PLD5: variants seen among roughly 807,000 people sequenced by gnomAD.
The protein encoded by PLD5 is phospholipase D family member 5, also known as inactive phospholipase D5.
Under a neutral mutation model 61.1 loss-of-function variants are expected in PLD5, and 36 were observed. That is an observed-to-expected ratio of 0.59 (90% confidence interval 0.45 to 0.78). The LOEUF is 0.78. Among genes scored for constraint, PLD5 ranks in the 30% least tolerant of loss-of-function variants. The pLI is 0.00. For synonymous variants in PLD5, 243 were observed against 242.8 expected, an observed-to-expected ratio of 1.00 and a Z score of -0.01; for missense variants, 515 against 644.4, an observed-to-expected ratio of 0.80 and a Z score of 2.17.
intron 2 of PLD5, among the ~76,000 whole-genome samples, chr1:242,297,687 C>A (rs1675782103): frequency 1.4e-5 from 2 of 144,204 alleles, no homozygotes; most frequent in South Asian, 2.2e-4. Flanking sequence ...GGCCGGACTG[C>A]GGACTGCAGT....
intron 1 of PLD5, among the ~76,000 whole-genome samples, chr1:242,373,312 G>C (rs1661752331): frequency 6.6e-6 from 1 of 152,204 alleles, no homozygotes; most frequent in Admixed American, 6.5e-5. Context: ...AGGTGCTGGA[G>C]AGGATGTGGA....
At chr1:242,306,073 T>G (rs951650031) in intron 2 of PLD5, among the ~76,000 whole-genome samples, 1 of 151,852 alleles carries the variant, frequency 6.6e-6, no homozygotes, top group African/African-American at 2.4e-5. Context: ...GCCCTGGGGC[T>G]CCAGCTTTGC....
At chr1:242,263,377 C>A (rs972389652) in intron 4 of PLD5, among the ~76,000 whole-genome samples, 6 of 151,712 alleles carry the variant, frequency 4.0e-5, no homozygotes, top group African/African-American at 1.5e-4. Context: ...AAAAGATAAC[C>A]CTTAAGCAAG....
Position 242,089,780 on chromosome 1 carries a change from GTGTTTTTTC to G in PLD5, c.*65_*73del. ...TCCCTAAAAAAAGAGACATATTAAA[GTGTTTTTTC>G]TCTCCTCAAGTCCTTTATGTATAAA... On this transcript the variant is annotated 3_prime_UTR_variant, in exon 10 of 10. Transcript: ENST00000536534. 3.8e-6 allele frequency: 6 copies of G among 1,562,042 alleles called. No homozygotes were observed. Among genetic ancestry groups the G allele is most frequent in the Non-Finnish European group, 5.2e-6 (6 of 1,143,938 alleles).
chr1:242,209,667 G>GTCTCTC (rs60796466), intron 5 of PLD5, among the ~76,000 whole-genome samples: 2 of 151,492 alleles, frequency 1.3e-5, no homozygotes, highest in South Asian at 2.1e-4. Flanking sequence ...CTGTTCCCCT[G>GTCTCTC]TCTCTCTCTC....
intron 2 of PLD5, among the ~76,000 whole-genome samples, chr1:242,332,314 CTT>C (rs1056350648): frequency 3.9e-5 from 6 of 152,084 alleles, no homozygotes; most frequent in African/African-American, 1.4e-4. Context: ...GGTTCCGAGT[CTT>C]TGCTATGGTG....
In PLD5 at chr1:242,238,392, TG is replaced by T. The variant is rs567513242; in HGVS notation, c.608-18278del. 1.6e-4 allele frequency among the ~76,000 whole-genome samples: 25 copies of T among 152,252 alleles called. No individual in the cohort carries two copies. The East Asian group carries it at 4.5e-3, about 27-fold the overall frequency. ...TGCCCCGTCAGCCCAGCTGCCCTAT[TG>T]TTGGCTGCAGGAGCATCTTGCAGAT... is the stretch of plus-strand genomic sequence containing the variant. On this transcript the variant is annotated intron_variant, in intron 4 of 9. Transcript: ENST00000536534.
chr1:242,298,985 T>C (rs1675876035), intron 2 of PLD5, among the ~76,000 whole-genome samples: 1 of 151,374 alleles, frequency 6.6e-6, no homozygotes, highest in Non-Finnish European at 1.5e-5. Context: ...ATCTTGACAC[T>C]GTCCCCAAAG....
rs181271637 is a variant in PLD5, at chr1:242,393,532, G to A, written c.190-45290C>T. 2.1e-4 allele frequency among the ~76,000 whole-genome samples: 17 copies of A among 81,626 alleles called. 2 individuals carry two copies. Among genetic ancestry groups the A allele is most frequent in the South Asian group, 5.0e-4 (1 of 1,990 alleles). 53.5% of individuals were successfully genotyped at this position (81,626 alleles called of 152,430 possible). ...TGAGTATATATATATGTGTATATAT[G>A]TGAGTATATATATGTGTATATATAT... is the stretch of plus-strand genomic sequence containing the variant. On this transcript the variant is annotated intron_variant, in intron 1 of 9. Transcript: ENST00000536534.
chr1:242,376,942 T>C, intron 1 of PLD5: 1 of 1,608,126 alleles, frequency 6.2e-7, no homozygotes, highest in African/African-American at 1.3e-5. Context: ...GCTGAGCTCA[T>C]CCTTTTGGAT....
At chr1:242,396,003 G>A (rs779246766) in intron 1 of PLD5, among the ~76,000 whole-genome samples, 4 of 152,110 alleles carry the variant, frequency 2.6e-5, no homozygotes, top group African/African-American at 4.8e-5. Flanking sequence ...AGGCGAGATT[G>A]CGCCATTGCA....
chr1:242,164,073 T>A (rs1666114344), intron 5 of PLD5, among the ~76,000 whole-genome samples: 1 of 151,962 alleles, frequency 6.6e-6, no homozygotes, highest in South Asian at 2.1e-4. Flanking sequence ...TAAGTGACTA[T>A]CTGTGAAAGT....
intron 9 of PLD5, among the ~76,000 whole-genome samples, chr1:242,091,893 T>C (rs192241742): frequency 8.0e-5 from 12 of 150,370 alleles, no homozygotes; most frequent in African/African-American, 2.9e-4. Flanking sequence ...GGTGGTACAA[T>C]CTTGGCTCAC....
At chr1:242,263,535 A>G (rs146767684) in intron 4 of PLD5, among the ~76,000 whole-genome samples, 10,275 of 151,098 alleles carry the variant, frequency 0.068, 425 homozygotes, top group Middle Eastern at 0.12. Flanking sequence ...TACAGTATAC[A>G]CATCATGTGC....
chr1:242,142,714 TTCTCTCTCTC>T (rs35627694), intron 5 of PLD5, among the ~76,000 whole-genome samples: 28 of 90,046 alleles, frequency 3.1e-4, no homozygotes, highest in Non-Finnish European at 5.8e-4. Context: ...AGCTGTGTCT[TTCTCTCTCTC>T]TCTCTCTCTC....
chr1:242,154,159 G>A (rs1198289387), intron 5 of PLD5, among the ~76,000 whole-genome samples: 1 of 152,132 alleles, frequency 6.6e-6, no homozygotes, highest in African/African-American at 2.4e-5. Context: ...TGTTATTGGT[G>A]TATAAGAATT....
chr1:242,103,894 C>T (rs779794673), intron 8 of PLD5, among the ~76,000 whole-genome samples: 9 of 152,006 alleles, frequency 5.9e-5, no homozygotes, highest in African/African-American at 1.2e-4. Context: ...CCAGACTATT[C>T]GGGAGATTAA....
the PLD5 span, among the ~76,000 whole-genome samples, chr1:242,529,779 C>CTTCCTTCCTTCG: frequency 4.2e-5 from 1 of 24,046 alleles, no homozygotes; most frequent in Non-Finnish European, 7.3e-5. Flanking sequence ...GCACTGGGAT[C>CTTCCTTCCTTCG]TTCCTTCCTT....
chr1:242,348,010 T>A, intron 2 of PLD5, 96 bp downstream of exon 2: 1 of 1,473,190 alleles, frequency 6.8e-7, no homozygotes, highest in Non-Finnish European at 9.2e-7. Flanking sequence ...CCTGGATGAC[T>A]ACGTGTGTTT....
Sources: allele counts gnomAD v4.1 joint callset (sites outside exome capture counted in the v4.1 genomes callset), GRCh38; gene constraint gnomAD v4.1.1; transcripts MANE v1.5; gene names NCBI Gene and HGNC (gene_info 2026-07-23, HGNC 2026-07-21).